Variants in VPS11 observed in about 807,000 individuals in gnomAD.
VPS11 encodes the protein vacuolar protein sorting-associated protein 11 homolog.
In VPS11, 51 loss-of-function variants were observed where a neutral mutation model predicts 106.8. The observed-to-expected ratio is 0.48, with a 90% CI of 0.38 to 0.60. The LOEUF (loss-of-function observed/expected upper bound fraction) is 0.60, where lower values mean the gene tolerates loss of function less well. Ranked by LOEUF, VPS11 falls within the 20% of genes least tolerant of loss-of-function variation. The probability of loss-of-function intolerance (pLI) is 0.00; values close to 1 mark genes in which losing one functional copy is unlikely to be tolerated. For synonymous variants in VPS11, 453 were observed against 458.7 expected (o/e 0.99, Z 0.16); for missense variants, 950 against 1,190.0 (o/e 0.80, Z 2.97).
At chr11:119,068,679 C>T (rs1293051017) in intron 1 of VPS11, among the ~76,000 whole-genome samples, 1 of 151,846 alleles carries the variant, frequency 6.6e-6, no homozygotes, top group Admixed American at 6.6e-5. Flanking sequence ...AACTCCTGAC[C>T]TCGTGATCCA....
At chr11:119,068,184 ATCAACTGAGCAATCCTGGGCAAGTC>A (rs1945195359) in intron 1 of VPS11, 174 bp downstream of exon 1, 1 of 709,730 alleles carries the variant, frequency 1.4e-6, no homozygotes, top group Non-Finnish European at 2.2e-6. Context: ...CTAACTTGTT[ATCAACTGAGCAATCCTGGGCAAGTC>A]ATTTAACCTC....
At chr11:119,075,859 G>T (rs1945591804) in intron 7 of VPS11, among the ~76,000 whole-genome samples, 1 of 151,646 alleles carries the variant, frequency 6.6e-6, no homozygotes, top group East Asian at 1.9e-4. Context: ...CCAAGATCGT[G>T]CCACTGCACT....
chr11:119,072,945 A>G, intron 5 of VPS11: 2 of 508,960 alleles, frequency 3.9e-6, no homozygotes, highest in Non-Finnish European at 7.1e-6. Context: ...TATTTTCTAA[A>G]TGAATGGATA....
rs781875801 is a variant in VPS11 at position 119,081,542 on chromosome 11, C to T, written c.2745C>T (p.Asp915=). The part of the protein sequence containing the change: ...GVFNKLTLLT[D]PPTARLTSSL... ...TCAACAAATTGACTCTGCTGACCGACCCTCCCACAGCCAGACTGACCTCCA... is the reference window on the plus strand; with the variant it reads ...TCAACAAATTGACTCTGCTGACCGATCCTCCCACAGCCAGACTGACCTCCA... Residue 915 remains aspartate, a synonymous_variant, in exon 16 of 16, where the codon GAC becomes GAT. Coordinates refer to ENST00000621676, the MANE Select transcript of VPS11 (RefSeq NM_021729.6). 6.2e-7 allele frequency: 1 copy of T among 1,614,042 alleles called. No homozygotes were observed. The highest frequency in any genetic ancestry group is 2.2e-5 in the East Asian group (1 of 44,878).
At position 119,081,659 on chromosome 11, in the gene VPS11, C is replaced by A. The variant is rs916195140; in HGVS notation, c.*36C>A. On this transcript the variant is annotated 3_prime_UTR_variant, in exon 16 of 16. Transcript: ENST00000621676. ...GGAAGATGTGGGCAACAGTGGAGGACCAAGAGAACAGACACAATGGGACCT... is the reference window on the plus strand; with the variant it reads ...GGAAGATGTGGGCAACAGTGGAGGAACAAGAGAACAGACACAATGGGACCT... 2.5e-6 allele frequency: 4 copies of A among 1,609,582 alleles called. No homozygotes were observed. Among genetic ancestry groups the A allele is most frequent in the Non-Finnish European group, 3.4e-6 (4 of 1,177,464 alleles).
At chr11:119,077,192 T>G in intron 8 of VPS11, 109 bp downstream of exon 8, 1 of 1,351,088 alleles carries the variant, frequency 7.4e-7, no homozygotes, top group South Asian at 1.4e-5. Context: ...AGGGCTGACC[T>G]TATTTAGAGG....
intron 1 of VPS11, among the ~76,000 whole-genome samples, chr11:119,068,648 A>T (rs893694265): frequency 2.6e-5 from 4 of 151,766 alleles, no homozygotes; most frequent in Non-Finnish European, 5.9e-5. Context: ...GGGTTTCACC[A>T]TATTGGCCAG....
In VPS11 at chr11:119,079,218, A is replaced by G. The variant is rs577344246; in HGVS notation, c.2356A>G (p.Ile786Val). The G allele has an allele frequency of 1.9e-6, 3 of 1,612,928 alleles. No homozygotes were observed. Among genetic ancestry groups the G allele is most frequent in the Admixed American group, 3.3e-5 (2 of 59,826 alleles). ...VQKLQKQSQQIAQDELRVRRY... is the reference protein window; with the variant it reads ...VQKLQKQSQQVAQDELRVRRY... ...AAAACTACAGAAACAGAGCCAGCAG[A>G]TTGCACAGGATGAGCTGCGGGTGCG... Residue 786 changes from isoleucine to valine, a missense_variant, in exon 14 of 16, where the codon ATT (isoleucine) becomes GTT (valine). Ile to Val is a conservative substitution (Grantham distance 29). This residue lies in a region of VPS11 where 453 missense variants were observed against 514.6 expected (regional missense o/e 0.88). Coordinates refer to ENST00000621676, the MANE Select transcript of VPS11 (RefSeq NM_021729.6).
chr11:119,073,435 A>G, intron 6 of VPS11, 36 bp downstream of exon 6: 1 of 1,602,014 alleles, frequency 6.2e-7, no homozygotes. Flanking sequence ...GGCCACAGGC[A>G]CCTAGAAGCA....
chr11:119,073,839 C>T lies in VPS11; in HGVS notation c.1126C>T (p.Leu376Phe). The T allele has an allele frequency of 6.2e-7, 1 of 1,613,506 alleles. No homozygotes were observed. The highest frequency in any genetic ancestry group is 8.5e-7 in the Non-Finnish European group (1 of 1,179,464). ...KKNLFEMAIN[L>F]AKSQHLDSDG... ...GAACCTATTTGAGATGGCGATTAAC[C>T]TTGCCAAGAGCCAGCATCTGGACAG... is the stretch of plus-strand genomic sequence containing the variant. The change falls in exon 7 of 16, where the codon CTT becomes TTT. Residue 376 changes from leucine (L) to phenylalanine (F), a missense_variant. Transcript: ENST00000621676.
chr11:119,077,685 C>G (rs782729915), intron 9 of VPS11, 38 bp downstream of exon 9: 2 of 1,560,536 alleles, frequency 1.3e-6, no homozygotes, highest in Non-Finnish European at 1.7e-6. Flanking sequence ...GAGACAGGGT[C>G]TCACTATGTT....
At chr11:119,075,004 C>G (rs1016877986) in intron 7 of VPS11, among the ~76,000 whole-genome samples, 4 of 152,158 alleles carry the variant, frequency 2.6e-5, no homozygotes, top group African/African-American at 7.2e-5. Flanking sequence ...CGGTAGCTCA[C>G]GCATGTAATC....
Position 119,077,897 on chromosome 11 carries a change from G to A in VPS11, c.1592G>A (p.Arg531Gln), listed in dbSNP as rs79450906. The change falls in exon 10 of 16, where the codon CGA becomes CAA. Residue 531 changes from arginine to glutamine, a missense_variant. Transcript: ENST00000621676. Reference sequence around the variant, plus strand: ...CCACAGAATTATCAGGAAGCCCTTCGATACATCGGCAAGCTGCCTTTTGAG... The same window carrying A: ...CCACAGAATTATCAGGAAGCCCTTCAATACATCGGCAAGCTGCCTTTTGAG... ...EDIKNYQEAL[R>Q]YIGKLPFEQA... 1,303 of 1,614,006 alleles carry A rather than the reference G, an allele frequency of 8.1e-4. 16 individuals are homozygous for A. The African/African-American group carries it at 0.013, about 16-fold the overall frequency.
rs1440188118 is a variant in VPS11, at chr11:119,081,601, T to C, written c.2804T>C (p.Met935Thr). 6.2e-7 allele frequency: 1 copy of C among 1,613,870 alleles called. No homozygotes were observed. Among genetic ancestry groups the C allele is most frequent in the African/African-American group, 1.3e-5 (1 of 75,018 alleles). ...LEAGLQRDLL[M>T]HSRRGT is the part of the protein sequence containing the mutation. ...GCTGGGCTGCAACGCGACCTACTCA[T>C]GCACTCCAGGAGGGGCACTTAAGCA... Residue 935 changes from methionine (M) to threonine (T), a missense_variant, in exon 16 of 16, where the codon ATG becomes ACG. Transcript: ENST00000621676.
rs969153888 is a variant in VPS11, at chr11:119,077,224, G to A, written c.1425+141G>A. On this transcript the variant is annotated intron_variant, in intron 8 of 15. Transcript: ENST00000621676. ...GAGGAGTGGCTGTTCCTGTTAGTTC[G>A]GTGCCATCTCCCCTCTTGTTTTATG... The A allele has an allele frequency of 8.2e-5, 92 of 1,122,636 alleles. 2 individuals are homozygous for A. In the African/African-American group the frequency reaches 1.0e-3, roughly 12 times the overall value. 69.5% of individuals were successfully genotyped at this position (1,122,636 alleles called of 1,614,324 possible). A position where few individuals can be genotyped will look rare whatever the true frequency, so the allele number is the denominator to read the frequency against.
At chr11:119,069,408 G>T in intron 2 of VPS11, 34 bp from the exon 3 acceptor site, 1 of 1,613,892 alleles carries the variant, frequency 6.2e-7, no homozygotes, top group African/African-American at 1.3e-5. Flanking sequence ...GTTGGAGGAT[G>T]ACTAGCATTT....
In VPS11 at chr11:119,078,250, A is replaced by C. The variant is rs782133881; in HGVS notation, c.1839A>C (p.Glu613Asp). ...AAGCCTTCCTAGAGCACATGAGTGA[A>C]GTGCAGCCAGACTCACCCCAGGGGA... is the stretch of plus-strand genomic sequence containing the variant. Reference protein sequence around the residue: ...ELKAFLEHMSEVQPDSPQGIY... With the variant: ...ELKAFLEHMSDVQPDSPQGIY... Residue 613 changes from glutamate to aspartate, a missense_variant, in exon 11 of 16, where the codon GAA (glutamate) becomes GAC (aspartate). By Grantham distance (45) the Glu-to-Asp change is conservative. This residue lies in a region of VPS11 where 453 missense variants were observed against 514.6 expected (regional missense o/e 0.88). Coordinates refer to ENST00000621676, the MANE Select transcript of VPS11 (RefSeq NM_021729.6). 1.9e-6 allele frequency: 3 copies of C among 1,613,758 alleles called. No homozygotes were observed. The highest frequency in any genetic ancestry group is 2.5e-6 in the Non-Finnish European group (3 of 1,179,882).
intron 4 of VPS11, among the ~76,000 whole-genome samples, chr11:119,071,392 A>T (rs893230656): frequency 2.6e-5 from 4 of 152,322 alleles, no homozygotes; most frequent in African/African-American, 4.8e-5. Flanking sequence ...AGATAGTGAT[A>T]ATATATACAG....
rs550635619 is a variant in VPS11 at position 119,073,822 on chromosome 11, T to A, written c.1109T>A (p.Phe370Tyr). The change falls in exon 7 of 16, where the codon TTT becomes TAT. Residue 370 changes from phenylalanine to tyrosine, a missense_variant. Phe to Tyr is a conservative substitution (Grantham distance 22, BLOSUM62 3). Transcript: ENST00000621676. Reference sequence around the variant, plus strand: ...TAGATGCTGTTTAAGAAGAACCTATTTGAGATGGCGATTAACCTTGCCAAG... The same window carrying A: ...TAGATGCTGTTTAAGAAGAACCTATATGAGATGGCGATTAACCTTGCCAAG... The part of the protein sequence containing the change: ...KLEMLFKKNL[F>Y]EMAINLAKSQ... 6.2e-7 allele frequency: 1 copy of A among 1,612,442 alleles called. No individual in the cohort carries two copies. The highest frequency in any genetic ancestry group is 1.3e-5 in the African/African-American group (1 of 75,042).
Sources: gnomAD v4.1 joint callset for allele counts (sites outside exome capture counted in the v4.1 genomes callset) on GRCh38, gnomAD v4.1.1 for gene constraint, gnomAD v4.1.1 regional missense constraint, MANE v1.5 for transcripts, NCBI Gene and HGNC (gene_info 2026-07-23, HGNC 2026-07-21) for gene names.